The following SUGT1 variants were observed in gnomAD, a reference collection of about 807,000 sequenced individuals.
SUGT1 encodes SGT1 assembly cochaperone of MIS12 kinetochore complex.
Under a neutral mutation model 56.1 loss-of-function variants are expected in SUGT1, and 15 were observed. The ratio of observed to expected loss-of-function variants is 0.27; its 90% CI spans 0.18 to 0.41. SUGT1 has a LOEUF of 0.41. Ranked by LOEUF, SUGT1 falls within the 10% of genes least tolerant of loss-of-function variation. The pLI is 1.00. For synonymous variants in SUGT1, 123 were observed against 128.6 expected, an observed-to-expected ratio of 0.96 and a Z score of 0.30; for missense variants, 347 against 382.2, an observed-to-expected ratio of 0.91 and a Z score of 0.77.
chr13:52,661,009 G>C (rs770414397), intron 5 of SUGT1, among the ~76,000 whole-genome samples: 1 of 151,960 alleles, frequency 6.6e-6, no homozygotes, highest in Non-Finnish European at 1.5e-5. Flanking sequence ...ATGGGGATTT[G>C]CCATGTTGCC....
rs578063153 is a variant in SUGT1, at chr13:52,690,691, T to C, written c.*2856T>C. 3 of 152,284 alleles carry C rather than the reference T, an allele frequency of 2.0e-5. No individual in the cohort carries two copies. Among genetic ancestry groups the C allele is most frequent in the Admixed American group, 2.0e-4 (3 of 15,300 alleles). The allele number at this position is 152,284 out of a possible 1,614,324, so 9.4% of individuals were successfully genotyped here. On this transcript the variant is annotated 3_prime_UTR_variant, in exon 13 of 13. Transcript: ENST00000310528. ...CAAGTTTGAAACATCAAGGTCAATT[T>C]TGATAATTTCCTGTCTTATGTCTTA...
chr13:52,698,568 G>A lies in SUGT1; in HGVS notation c.*10733G>A, dbSNP rs1440036882. 6.7e-6 allele frequency: 1 copy of A among 150,360 alleles called. No homozygotes were observed. Among genetic ancestry groups the A allele is most frequent in the African/African-American group, 2.4e-5 (1 of 40,878 alleles). The allele number at this position is 150,360 out of a possible 1,614,324, so 9.3% of individuals were successfully genotyped here. On this transcript the variant is annotated 3_prime_UTR_variant, in exon 13 of 13. Coordinates refer to ENST00000310528, the MANE Select transcript of SUGT1 (RefSeq NM_006704.5). Reference sequence around the variant, plus strand: ...TCCTCCTGCCTCAGCCTCTCAGGTAGCTGGGACTGCACTACTAGTGCACTA... The same window carrying A: ...TCCTCCTGCCTCAGCCTCTCAGGTAACTGGGACTGCACTACTAGTGCACTA...
Position 52,687,914 on chromosome 13 carries a change from G to A in SUGT1, c.*79G>A. 2.4e-6 allele frequency: 2 copies of A among 830,164 alleles called. No homozygotes were observed. The highest frequency in any genetic ancestry group is 3.5e-6 in the Non-Finnish European group (2 of 564,478). The allele number at this position is 830,164 out of a possible 1,614,324, so 51.4% of individuals were successfully genotyped here. A position where few individuals can be genotyped will look rare whatever the true frequency, so the allele number is the denominator to read the frequency against. Reference sequence around the variant, plus strand: ...TATTGATATTGCATTCTTGAATTTTGAACACTGAATATCTTTTTGAAAGAT... The same window carrying A: ...TATTGATATTGCATTCTTGAATTTTAAACACTGAATATCTTTTTGAAAGAT... On this transcript the variant is annotated 3_prime_UTR_variant, in exon 13 of 13. Transcript: ENST00000310528.
Position 52,653,105 on chromosome 13 carries a change from TGA to T in SUGT1, c.96+8_96+9del. 1.2e-6 allele frequency: 2 copies of T among 1,613,990 alleles called. No homozygotes were observed. Among genetic ancestry groups the T allele is most frequent in the Non-Finnish European group, 1.7e-6 (2 of 1,179,984 alleles). ...GAGGACCCCCAGGCGGCGTTAGAGGTGAGAGAGCCCATTTCTGCTTCCTCCAC... is the reference window on the plus strand; with the variant it reads ...GAGGACCCCCAGGCGGCGTTAGAGGTGAGAGCCCATTTCTGCTTCCTCCAC... On this transcript the variant is annotated splice_donor_region_variant and intron_variant, in intron 2 of 12. Coordinates refer to ENST00000310528, the MANE Select transcript of SUGT1 (RefSeq NM_006704.5).
chr13:52,698,138 A>C lies in SUGT1; in HGVS notation c.*10303A>C, dbSNP rs1963989085. On this transcript the variant is annotated 3_prime_UTR_variant, in exon 13 of 13. Transcript: ENST00000310528. Reference sequence around the variant, plus strand: ...AGGATTTTATTTTAGAGTTGTTAAAATCAGATCAACAGAGCATGTTTTTAT... The same window carrying C: ...AGGATTTTATTTTAGAGTTGTTAAACTCAGATCAACAGAGCATGTTTTTAT... 1 of 152,228 alleles carries C rather than the reference A, an allele frequency of 6.6e-6. No individual in the cohort carries two copies. Among genetic ancestry groups the C allele is most frequent in the Non-Finnish European group, 1.5e-5 (1 of 68,042 alleles). 9.4% of individuals were successfully genotyped at this position (152,228 alleles called of 1,614,324 possible).
chr13:52,667,208 CTT>C (rs1256996319), intron 10 of SUGT1, among the ~76,000 whole-genome samples: 1 of 152,170 alleles, frequency 6.6e-6, no homozygotes, highest in Non-Finnish European at 1.5e-5. Flanking sequence ...ATCAGCCTGT[CTT>C]TAAGATTTGA....
In SUGT1 at chr13:52,666,929, T is replaced by C. The variant is rs557077532; in HGVS notation, c.627+10T>C. ...AGTACTTTCAACAAAGGTAAGACCA[T>C]TGAAAAGTTTGTTACTAGTAATATT... On this transcript the variant is annotated intron_variant, in intron 10 of 12. Transcript: ENST00000310528. The C allele has an allele frequency of 2.7e-5, 42 of 1,579,856 alleles. No homozygotes were observed. In the South Asian group the frequency reaches 4.5e-4, roughly 17 times the overall value.
intron 5 of SUGT1, among the ~76,000 whole-genome samples, chr13:52,659,814 ATTTTTTTTTTTTTTTTTTT>A (rs71088033): frequency 4.1e-4 from 24 of 58,718 alleles, no homozygotes; most frequent in South Asian, 7.3e-4. Context: ...ATATATATAT[ATTTTTTTTTTTTTTTTTTT>A]TTTTTTTTTT....
Position 52,658,485 on chromosome 13 carries a change from C to A in SUGT1, c.257+17C>A. ...GAGAAAAGGGTATGCAGTAGCTACT[C>A]TTCTTGTTGAGCTTGGTATAGATAG... On this transcript the variant is annotated intron_variant, in intron 4 of 12. Transcript: ENST00000310528. 6.2e-7 allele frequency: 1 copy of A among 1,603,458 alleles called. No homozygotes were observed. The highest frequency in any genetic ancestry group is 1.1e-5 in the South Asian group (1 of 88,144).
rs1193757565 is a variant in SUGT1, at chr13:52,658,449, A to G, written c.238A>G (p.Thr80Ala). 1.9e-6 allele frequency: 3 copies of G among 1,613,046 alleles called. No homozygotes were observed. Among genetic ancestry groups the G allele is most frequent in the South Asian group, 2.2e-5 (2 of 90,768 alleles). The stretch of plus-strand genomic sequence containing the variant: ...TCTAGAACTCAATCCAAATAATTCC[A>G]CTGCTATGCTGAGAAAAGGGTATGC... ...KSLELNPNNSTAMLRKGICEY... is the reference protein window; with the variant it reads ...KSLELNPNNSAAMLRKGICEY... The change falls in exon 4 of 13, where the codon ACT becomes GCT. Residue 80 changes from threonine to alanine, a missense_variant. Transcript: ENST00000310528.
intron 12 of SUGT1, among the ~76,000 whole-genome samples, chr13:52,681,593 T>TGATACTGACAG (rs1963376194): frequency 6.6e-6 from 1 of 152,104 alleles, no homozygotes; most frequent in Non-Finnish European, 1.5e-5. Flanking sequence ...ATAGGGAACC[T>TGATACTGACAG]TTAATCCCAG....
rs1035326685 is a variant in SUGT1 at position 52,697,372 on chromosome 13, C to T, written c.*9537C>T. On this transcript the variant is annotated 3_prime_UTR_variant, in exon 13 of 13. Coordinates refer to ENST00000310528, the MANE Select transcript of SUGT1 (RefSeq NM_006704.5). ...GAAGTTTACTTTCTAACTAGGTTAG[C>T]CCTCCATTCATACAAAATTATGAGC... is the stretch of plus-strand genomic sequence containing the variant. 1 of 152,226 alleles carries T rather than the reference C, an allele frequency of 6.6e-6. No individual in the cohort carries two copies. Among genetic ancestry groups the T allele is most frequent in the Non-Finnish European group, 1.5e-5 (1 of 68,068 alleles). The allele number at this position is 152,226 out of a possible 1,614,324, so 9.4% of individuals were successfully genotyped here. A position where few individuals can be genotyped will look rare whatever the true frequency, so the allele number is the denominator to read the frequency against.
At chr13:52,668,975 T>C (rs562635039) in intron 10 of SUGT1, among the ~76,000 whole-genome samples, 1 of 152,320 alleles carries the variant, frequency 6.6e-6, no homozygotes, top group South Asian at 2.1e-4. Flanking sequence ...AATACATAGA[T>C]GTGTGGCTAG....
At position 52,665,707 on chromosome 13, in the gene SUGT1, G is replaced by A. The variant is rs947864767; in HGVS notation, c.493G>A (p.Val165Ile). 10 of 1,603,838 alleles carry A rather than the reference G, an allele frequency of 6.2e-6. No individual in the cohort carries two copies. Among genetic ancestry groups the A allele is most frequent in the African/African-American group, 1.3e-5 (1 of 74,114 alleles). Residue 165 changes from valine to isoleucine, a missense_variant, in exon 9 of 13, where the codon GTA becomes ATA. Physicochemically the swap from Val to Ile is conservative, Grantham distance 29 (BLOSUM62 3). Transcript: ENST00000310528. ...LMIKNVQKNDVNVEFSEKELS... is the reference protein window; with the variant it reads ...LMIKNVQKNDINVEFSEKELS... Reference sequence around the variant, plus strand: ...GATCAAGAATGTTCAGAAGAATGATGTAAATGTGGAATTTTCAGAAAAAGA... The same window carrying A: ...GATCAAGAATGTTCAGAAGAATGATATAAATGTGGAATTTTCAGAAAAAGA...
intron 10 of SUGT1, among the ~76,000 whole-genome samples, chr13:52,673,688 A>G (rs1963030189): frequency 6.6e-6 from 1 of 152,252 alleles, no homozygotes; most frequent in Non-Finnish European, 1.5e-5. Context: ...TTACAGGAAC[A>G]TGAAGTGTGA....
chr13:52,658,436 T>G lies in SUGT1; in HGVS notation c.225T>G (p.Asn75Lys). Residue 75 changes from asparagine to lysine, a missense_variant, in exon 4 of 13, where the codon AAT becomes AAG. Physicochemically the swap from Asn to Lys is moderately conservative, Grantham distance 94. Coordinates refer to ENST00000310528, the MANE Select transcript of SUGT1 (RefSeq NM_006704.5). ...ATGCAAAGAAGTCTCTAGAACTCAA[T>G]CCAAATAATTCCACTGCTATGCTGA... Reference protein sequence around the residue: ...VADAKKSLELNPNNSTAMLRK... With the variant: ...VADAKKSLELKPNNSTAMLRK... The G allele has an allele frequency of 1.2e-6, 2 of 1,613,116 alleles. No individual in the cohort carries two copies. The highest frequency in any genetic ancestry group is 1.7e-6 in the Non-Finnish European group (2 of 1,179,732).
chr13:52,698,115 G>A lies in SUGT1; in HGVS notation c.*10280G>A, dbSNP rs1043416421. The A allele has an allele frequency of 6.6e-6, 1 of 152,186 alleles. No individual in the cohort carries two copies. The highest frequency in any genetic ancestry group is 2.4e-5 in the African/African-American group (1 of 41,430). 9.4% of individuals were successfully genotyped at this position (152,186 alleles called of 1,614,324 possible). On this transcript the variant is annotated 3_prime_UTR_variant, in exon 13 of 13. Coordinates refer to ENST00000310528, the MANE Select transcript of SUGT1 (RefSeq NM_006704.5). ...GGACTTAGGAATATGTGTAGCATAG[G>A]ATTTTATTTTAGAGTTGTTAAAATC...
rs994338084 is a variant in SUGT1 at position 52,700,714 on chromosome 13, A to G, written c.*12879A>G. The G allele has an allele frequency of 8.6e-5, 13 of 151,974 alleles. No individual in the cohort carries two copies. The highest frequency in any genetic ancestry group is 5.2e-4 in the Admixed American group (8 of 15,250). 9.4% of individuals were successfully genotyped at this position (151,974 alleles called of 1,614,324 possible). A position where few individuals can be genotyped will look rare whatever the true frequency, so the allele number is the denominator to read the frequency against. On this transcript the variant is annotated 3_prime_UTR_variant, in exon 13 of 13. Transcript: ENST00000310528. ...TGTCTATGCATGTAGACTTTGGTCA[A>G]CTCTCTCCTCCTCCCTCAATAAATC... is the stretch of plus-strand genomic sequence containing the variant.
Position 52,666,841 on chromosome 13 carries a change from A to AGAG in SUGT1, c.552_554dup (p.Glu184dup). 6.2e-7 allele frequency: 1 copy of AGAG among 1,613,248 alleles called. No homozygotes were observed. The highest frequency in any genetic ancestry group is 8.5e-7 in the Non-Finnish European group (1 of 1,179,592). On this transcript the variant is annotated inframe_insertion, in exon 10 of 13. Transcript: ENST00000310528. ...CTGCTTTGGTTAAACTTCCTTCTGGAGAGGATTACAATTTGAAACTGGAAC... is the reference window on the plus strand; with the variant it reads ...CTGCTTTGGTTAAACTTCCTTCTGGAGAGGAGGATTACAATTTGAAACTGGAAC...
Sources: allele counts gnomAD v4.1 joint callset (sites outside exome capture counted in the v4.1 genomes callset), GRCh38; gene constraint gnomAD v4.1.1; transcripts MANE v1.5; gene names NCBI Gene and HGNC (gene_info 2026-07-23, HGNC 2026-07-21).